MCUB: variants seen among roughly 807,000 people sequenced by gnomAD.
MCUB encodes mitochondrial calcium uniporter dominant negative subunit beta.
In MCUB, 46 loss-of-function variants were observed where a neutral mutation model predicts 41.4. The ratio of observed to expected loss-of-function variants is 1.11; its 90% CI spans 0.88 to 1.42. The LOEUF (loss-of-function observed/expected upper bound fraction) is 1.42, where lower values mean the gene tolerates loss of function less well. MCUB is among the 40% of genes most tolerant of loss of function. MCUB has a pLI of 0.00. For synonymous variants in MCUB, 148 were observed against 148.2 expected, an observed-to-expected ratio of 1.00 and a Z score of 0.01; for missense variants, 403 against 404.9, an observed-to-expected ratio of 1.00 and a Z score of 0.04.
chr4:109,609,365 C>G (rs186790929), intron 1 of MCUB, among the ~76,000 whole-genome samples: 11 of 152,214 alleles, frequency 7.2e-5, no homozygotes, highest in Admixed American at 2.6e-4. Flanking sequence ...ATTTTTAGAC[C>G]ATATGTGGTG....
chr4:109,628,136 GA>G (rs566262002), intron 1 of MCUB, among the ~76,000 whole-genome samples: 2 of 152,122 alleles, frequency 1.3e-5, no homozygotes, highest in African/African-American at 2.4e-5. Context: ...ACATTTGAGC[GA>G]GTTCTGAATG....
At chr4:109,644,246 A>G (rs1040252476) in intron 1 of MCUB, among the ~76,000 whole-genome samples, 1 of 152,234 alleles carries the variant, frequency 6.6e-6, no homozygotes, top group African/African-American at 2.4e-5. Context: ...AGCAAAAACT[A>G]TATAAAACAA....
At chr4:109,597,241 T>C (rs1383118034) in intron 1 of MCUB, among the ~76,000 whole-genome samples, 2 of 152,258 alleles carry the variant, frequency 1.3e-5, no homozygotes, top group East Asian at 3.9e-4. Context: ...CTCAATGAGC[T>C]GTTGGGCACA....
chr4:109,632,535 T>G (rs1302894747), intron 1 of MCUB, among the ~76,000 whole-genome samples: 2 of 152,058 alleles, frequency 1.3e-5, no homozygotes, highest in South Asian at 2.1e-4. Context: ...GTGTCTCGAA[T>G]GAGATTGTGG....
rs141986744 is a variant in MCUB, at chr4:109,607,770, C to T, written c.99+47334C>T. 5.1e-4 allele frequency among the ~76,000 whole-genome samples: 78 copies of T among 152,268 alleles called. No homozygotes were observed. In the East Asian group the frequency reaches 0.013, roughly 25 times the overall value. ...GTCTGCTGCTAGACATATTGGAACT[C>T]TATTGTATGTTATTTGTTTCTTTTC... On this transcript the variant is annotated intron_variant, in intron 1 of 7. Coordinates refer to ENST00000394650, the MANE Select transcript of MCUB (RefSeq NM_017918.5).
At chr4:109,634,280 C>G (rs772738592) in intron 1 of MCUB, among the ~76,000 whole-genome samples, 27 of 151,970 alleles carry the variant, frequency 1.8e-4, no homozygotes, top group African/African-American at 6.3e-4. Flanking sequence ...GTCGGGAGTT[C>G]GAGACCAGCC....
At chr4:109,586,416 G>A (rs1474743046) in intron 1 of MCUB, among the ~76,000 whole-genome samples, 2 of 152,174 alleles carry the variant, frequency 1.3e-5, no homozygotes, top group African/African-American at 4.8e-5. Context: ...TTAGCTCGGA[G>A]TAGTTTGTTA....
intron 1 of MCUB, among the ~76,000 whole-genome samples, chr4:109,603,006 C>A (rs1045741644): frequency 6.6e-6 from 1 of 152,172 alleles, no homozygotes; most frequent in South Asian, 2.1e-4. Flanking sequence ...TTGGCATAGA[C>A]AAATGCTACT....
At chr4:109,586,198 A>G (rs527607033) in intron 1 of MCUB, among the ~76,000 whole-genome samples, 4 of 152,084 alleles carry the variant, frequency 2.6e-5, no homozygotes, top group East Asian at 1.9e-4. Flanking sequence ...TATTTCATTA[A>G]TTTGATCTTC....
chr4:109,674,031 G>C (rs1485240865), intron 4 of MCUB: 18 of 1,297,722 alleles, frequency 1.4e-5, no homozygotes, highest in Non-Finnish European at 1.5e-5. Context: ...TGATCCACAT[G>C]CGTGTGGTAG....
At chr4:109,638,247 C>T (rs1454450772) in intron 1 of MCUB, among the ~76,000 whole-genome samples, 4 of 152,050 alleles carry the variant, frequency 2.6e-5, no homozygotes, top group African/African-American at 9.7e-5. Flanking sequence ...GTCCCAATTA[C>T]TAGGGAGGCT....
chr4:109,600,511 A>G (rs1727706007), intron 1 of MCUB, among the ~76,000 whole-genome samples: 1 of 152,222 alleles, frequency 6.6e-6, no homozygotes, highest in South Asian at 2.1e-4. Context: ...GTTAAAAGCC[A>G]TTTTAAGGAT....
intron 1 of MCUB, among the ~76,000 whole-genome samples, chr4:109,633,890 C>A (rs1561234669): frequency 6.6e-6 from 1 of 151,856 alleles, no homozygotes; most frequent in Non-Finnish European, 1.5e-5. Flanking sequence ...ACCATCCCGC[C>A]CATGTACAGC....
chr4:109,608,671 TTG>T (rs1727934242), intron 1 of MCUB, among the ~76,000 whole-genome samples: 1 of 151,812 alleles, frequency 6.6e-6, no homozygotes. Flanking sequence ...ATTATTATTA[TTG>T]TTTTTTTTTT....
At chr4:109,624,080 T>C (rs771514354) in intron 1 of MCUB, among the ~76,000 whole-genome samples, 5 of 152,152 alleles carry the variant, frequency 3.3e-5, no homozygotes, top group Non-Finnish European at 5.9e-5. Context: ...CTTAAACTCC[T>C]GGACTGAAGC....
chr4:109,659,251 C>T (rs1412243153), intron 2 of MCUB, among the ~76,000 whole-genome samples, 165 bp downstream of exon 2: 4 of 131,444 alleles, frequency 3.0e-5, no homozygotes, highest in Non-Finnish European at 6.4e-5. Context: ...CATAATATAG[C>T]TGCTGTCTTT....
chr4:109,686,512 T>C (rs1729841014), intron 7 of MCUB, among the ~76,000 whole-genome samples: 1 of 152,224 alleles, frequency 6.6e-6, no homozygotes. Flanking sequence ...TAAAAAAAAT[T>C]TGTGGATTCC....
Position 109,657,829 on chromosome 4 carries a change from T to C in MCUB, c.100-1182T>C, listed in dbSNP as rs116971404. Among the ~76,000 whole-genome samples, 1,137 of 152,376 alleles carry C rather than the reference T, an allele frequency of 7.5e-3. 27 individuals are homozygous for C. The highest frequency in any genetic ancestry group is 0.06 in the South Asian group (292 of 4,830). The stretch of plus-strand genomic sequence containing the variant: ...TGGTGAGGTGGCCATTCAGATGTTG[T>C]AGACTCAGCACTGCTGTCCAATAGA... On this transcript the variant is annotated intron_variant, in intron 1 of 7. Transcript: ENST00000394650.
At chr4:109,585,140 G>C (rs538235384) in intron 1 of MCUB, among the ~76,000 whole-genome samples, 1 of 152,136 alleles carries the variant, frequency 6.6e-6, no homozygotes, top group Non-Finnish European at 1.5e-5. Flanking sequence ...CCTGTATTGG[G>C]TGCATATATA....
Sources: allele counts gnomAD v4.1 joint callset (sites outside exome capture counted in the v4.1 genomes callset), GRCh38; gene constraint gnomAD v4.1.1; transcripts MANE v1.5; gene names NCBI Gene and HGNC (gene_info 2026-07-23, HGNC 2026-07-21).